PIK3C2G: variants seen among roughly 807,000 people sequenced by gnomAD.
PIK3C2G encodes the protein phosphatidylinositol-4-phosphate 3-kinase catalytic subunit type 2 gamma, also known as phosphatidylinositol 3-kinase C2 domain-containing subunit gamma.
Under a neutral mutation model 181.1 loss-of-function variants are expected in PIK3C2G, and 168 were observed. That is an observed-to-expected ratio of 0.93 (90% confidence interval 0.82 to 1.05). PIK3C2G has a LOEUF of 1.05. Ranked by LOEUF, PIK3C2G falls within the 50% of genes least tolerant of loss-of-function variation. The probability of loss-of-function intolerance (pLI) is 0.00; values close to 1 mark genes in which losing one functional copy is unlikely to be tolerated. For missense variants in PIK3C2G, 1,869 were observed against 1,732.8 expected (o/e 1.08, Z -1.40); for synonymous variants, 573 against 592.2 (o/e 0.97, Z 0.47).
Position 18,314,017 on chromosome 12 carries a change from C to T in PIK3C2G, c.1090C>T (p.Leu364Phe). The T allele has an allele frequency of 2.5e-6, 4 of 1,590,954 alleles. No individual in the cohort carries two copies. The highest frequency in any genetic ancestry group is 3.4e-6 in the Non-Finnish European group (4 of 1,167,400). The stretch of plus-strand genomic sequence containing the variant: ...TCAAAAAGATAAATCTGTTATTCAG[C>T]TCCACCTGCAGAAAAGTAGGGAAGC... ...MFQKDKSVIQ[L>F]HLQKSREAPG... Residue 364 changes from leucine to phenylalanine, a missense_variant, in exon 6 of 33, where the codon CTC (leucine) becomes TTC (phenylalanine). By Grantham distance (22) the Leu-to-Phe change is conservative. Transcript: ENST00000538779.
At chr12:18,448,810 T>C (rs1448548662) in intron 18 of PIK3C2G, among the ~76,000 whole-genome samples, 1 of 151,554 alleles carries the variant, frequency 6.6e-6, no homozygotes, top group Non-Finnish European at 1.5e-5. Context: ...TATGTATATA[T>C]TATACACACA....
chr12:18,271,476 T>C (rs1392918856), intron 1 of PIK3C2G, among the ~76,000 whole-genome samples: 2 of 152,110 alleles, frequency 1.3e-5, no homozygotes, highest in African/African-American at 2.4e-5. Context: ...TTGTTATACA[T>C]TCAGGGCAAT....
intron 1 of PIK3C2G, among the ~76,000 whole-genome samples, chr12:18,249,405 A>T (rs926703807): frequency 2.0e-5 from 3 of 152,128 alleles, no homozygotes; most frequent in African/African-American, 7.2e-5. Context: ...CTTTTTCTTT[A>T]AAATTGGTAT....
chr12:18,443,877 G>A (rs927426663), intron 18 of PIK3C2G, among the ~76,000 whole-genome samples: 3 of 152,152 alleles, frequency 2.0e-5, no homozygotes, highest in African/African-American at 4.8e-5. Flanking sequence ...ATCTTAGAGT[G>A]TAACGACCCT....
At chr12:18,691,821 C>T in the PIK3C2G span, among the ~76,000 whole-genome samples, 22 of 152,176 alleles carry the variant, frequency 1.4e-4, no homozygotes, top group Admixed American at 4.6e-4. Context: ...GAGTCACAAA[C>T]TCCTTAACAG....
chr12:18,644,027 C>T (rs1377853564), intron 32 of PIK3C2G, among the ~76,000 whole-genome samples: 2 of 152,122 alleles, frequency 1.3e-5, no homozygotes, highest in South Asian at 2.1e-4. Flanking sequence ...TATTCCTATC[C>T]TCCTTTCTCC....
At chr12:18,301,610 A>T in intron 5 of PIK3C2G, among the ~76,000 whole-genome samples, 1 of 149,642 alleles carries the variant, frequency 6.7e-6, no homozygotes, top group East Asian at 2.0e-4. Context: ...TTAGATCCTG[A>T]ATTGTTTTTA....
In PIK3C2G at chr12:18,492,780, T is replaced by C. The variant is rs547790209; in HGVS notation, c.2793+1222T>C. Among the ~76,000 whole-genome samples the C allele has an allele frequency of 3.3e-5, 5 of 152,320 alleles. No individual in the cohort carries two copies. The South Asian group carries it at 8.3e-4, about 25-fold the overall frequency. Reference sequence around the variant, plus strand: ...GTTTTTTTTCACTTAAAATTACATATAAGTTTGGCATGTGCAGGTGCACCG... The same window carrying C: ...GTTTTTTTTCACTTAAAATTACATACAAGTTTGGCATGTGCAGGTGCACCG... On this transcript the variant is annotated intron_variant, in intron 20 of 32. Coordinates refer to ENST00000538779, the MANE Select transcript of PIK3C2G (RefSeq NM_001288772.2).
intron 31 of PIK3C2G, among the ~76,000 whole-genome samples, chr12:18,621,657 G>A (rs796733287): frequency 2.7e-4 from 41 of 151,774 alleles, no homozygotes; most frequent in African/African-American, 9.4e-4. Context: ...GAAGGCAGAA[G>A]CTATTCTGAT....
At chr12:18,632,304 A>AGACTTT (rs1230738785) in intron 31 of PIK3C2G, among the ~76,000 whole-genome samples, 1 of 152,214 alleles carries the variant, frequency 6.6e-6, no homozygotes, top group Non-Finnish European at 1.5e-5. Flanking sequence ...TTACTGCTTA[A>AGACTTT]GTACTGTCCT....
intron 18 of PIK3C2G, among the ~76,000 whole-genome samples, chr12:18,436,943 T>A (rs1946484500): frequency 6.6e-6 from 1 of 151,912 alleles, no homozygotes; most frequent in Non-Finnish European, 1.5e-5. Context: ...GGCAAAAAAG[T>A]GTTTTCTGGG....
At chr12:18,485,995 T>C (rs541485752) in intron 18 of PIK3C2G, among the ~76,000 whole-genome samples, 65 of 152,262 alleles carry the variant, frequency 4.3e-4, no homozygotes, top group African/African-American at 1.4e-3. Context: ...ACCCAAAACT[T>C]TGTAGTTCAG....
Position 18,560,874 on chromosome 12 carries a change from TC to T in PIK3C2G, c.3591-1827del, listed in dbSNP as rs553754576. ...ACTGAACTTTGCAGAAAGAGAAACT[TC>T]CTTTAAGCATGTAGGCAGGAAGACT... On this transcript the variant is annotated intron_variant, in intron 26 of 32. Coordinates refer to ENST00000538779, the MANE Select transcript of PIK3C2G (RefSeq NM_001288772.2). Among the ~76,000 whole-genome samples, 819 of 152,268 alleles carry T rather than the reference TC, an allele frequency of 5.4e-3. 4 individuals are homozygous for T. Among genetic ancestry groups the T allele is most frequent in the Middle Eastern group, 0.017 (5 of 294 alleles).
At chr12:18,367,306 T>C (rs1042157674) in intron 12 of PIK3C2G, among the ~76,000 whole-genome samples, 1 of 152,278 alleles carries the variant, frequency 6.6e-6, no homozygotes, top group African/African-American at 2.4e-5. Flanking sequence ...CTTAAATGAA[T>C]ATGACAAGTG....
chr12:18,600,142 T>G (rs12371247), intron 30 of PIK3C2G, among the ~76,000 whole-genome samples: 24,343 of 151,922 alleles, frequency 0.16, 2,198 homozygotes, highest in South Asian at 0.22. Flanking sequence ...GTTTATAAAA[T>G]AGATGATATA....
Position 18,407,870 on chromosome 12 carries a change from T to G in PIK3C2G, c.2315+8023T>G, listed in dbSNP as rs1033530196. On this transcript the variant is annotated intron_variant, in intron 16 of 32. Coordinates refer to ENST00000538779, the MANE Select transcript of PIK3C2G (RefSeq NM_001288772.2). ...ACATAGGAAACTGGAAGAGAGACAG[T>G]GTAGCTGAAGTCCAGGGGAGGAGTA... 1.3e-4 allele frequency among the ~76,000 whole-genome samples: 20 copies of G among 152,106 alleles called. 1 individual carries two copies. Among genetic ancestry groups the G allele is most frequent in the Non-Finnish European group, 7.4e-5 (5 of 67,992 alleles).
At chr12:18,243,194 C>CTG (rs71440357), upstream of PIK3C2G, among the ~76,000 whole-genome samples, 12,232 of 148,212 alleles carry the variant, frequency 0.083, 951 homozygotes, top group East Asian at 0.46. Flanking sequence ...TAAAGTCTTT[C>CTG]TGTGTGTGTG....
Position 18,313,962 on chromosome 12 carries a change from C to T in PIK3C2G, c.1035C>T (p.Asn345=), listed in dbSNP as rs1174095327. Residue 345 remains asparagine, a splice_region_variant and synonymous_variant, in exon 6 of 33, where the codon AAC becomes AAT. Coordinates refer to ENST00000538779, the MANE Select transcript of PIK3C2G (RefSeq NM_001288772.2). ...SVCGSEEFLQ[N]DHCLGSHKMF... Reference sequence around the variant, plus strand: ...TTGTGTTCATTTTTTCCTCCTTCAGCGACCACTGTTTGGGGAGCCACAAAA... The same window carrying T: ...TTGTGTTCATTTTTTCCTCCTTCAGTGACCACTGTTTGGGGAGCCACAAAA... 6 of 1,542,488 alleles carry T rather than the reference C, an allele frequency of 3.9e-6. No individual in the cohort carries two copies. In the African/African-American group the frequency reaches 4.1e-5, roughly 11 times the overall value.
intron 29 of PIK3C2G, among the ~76,000 whole-genome samples, chr12:18,584,229 T>A (rs1946658242): frequency 6.6e-6 from 1 of 151,854 alleles, no homozygotes; most frequent in African/African-American, 2.4e-5. Flanking sequence ...GAGACAGGGT[T>A]TCACTGTGGT....
Sources: allele counts gnomAD v4.1 joint callset (sites outside exome capture counted in the v4.1 genomes callset), GRCh38; gene constraint gnomAD v4.1.1; transcripts MANE v1.5; gene names NCBI Gene and HGNC (gene_info 2026-07-23, HGNC 2026-07-21).